Variants in EXOC6B observed in about 807,000 individuals in gnomAD.
The protein encoded by EXOC6B is exocyst complex component 6B, also known as SEC15 homolog B.
A neutral mutation model predicts 113.5 loss-of-function variants in EXOC6B; 54 were observed. The ratio of observed to expected loss-of-function variants is 0.48; its 90% CI spans 0.38 to 0.60. The LOEUF (loss-of-function observed/expected upper bound fraction) is 0.60. Ranked by LOEUF, EXOC6B falls within the 20% of genes least tolerant of loss-of-function variation. EXOC6B has a pLI of 0.00. For missense variants in EXOC6B, 797 were observed against 977.5 expected (o/e 0.82, Z 2.46); for synonymous variants, 357 against 339.0 (o/e 1.05, Z -0.58).
intron 6 of EXOC6B, among the ~76,000 whole-genome samples, chr2:72,605,175 C>T (rs1381635717): frequency 2.0e-5 from 3 of 151,074 alleles, no homozygotes; most frequent in East Asian, 2.0e-4. Flanking sequence ...CCCAGCTACT[C>T]GGGAGGGCTG....
chr2:72,708,745 TCA>T (rs1333331350), intron 6 of EXOC6B, among the ~76,000 whole-genome samples: 1 of 152,090 alleles, frequency 6.6e-6, no homozygotes. Flanking sequence ...TAAAAAATTT[TCA>T]CAGACAGATT....
intron 5 of EXOC6B, among the ~76,000 whole-genome samples, chr2:72,729,118 AACTTTTTT>A: frequency 6.6e-6 from 1 of 152,298 alleles, no homozygotes; most frequent in South Asian, 2.1e-4. Flanking sequence ...CATCTACATA[AACTTTTTT>A]AGACACAAAA....
chr2:72,627,281 C>T lies in EXOC6B; in HGVS notation c.670-51613G>A, dbSNP rs114542105. 3.7e-3 allele frequency among the ~76,000 whole-genome samples: 569 copies of T among 152,276 alleles called. 6 individuals are homozygous for T. Among genetic ancestry groups the T allele is most frequent in the African/African-American group, 0.013 (548 of 41,558 alleles). ...TACTGAAAGTCAAACCAAATTCCTT[C>T]TCTAGTTGAGTCTAAGACTTTGCAA... On this transcript the variant is annotated intron_variant, in intron 6 of 21. Coordinates refer to ENST00000272427, the MANE Select transcript of EXOC6B (RefSeq NM_015189.3).
chr2:72,226,575 G>A (rs1030467869), intron 20 of EXOC6B, among the ~76,000 whole-genome samples: 2 of 152,174 alleles, frequency 1.3e-5, no homozygotes, highest in Non-Finnish European at 2.9e-5. Context: ...AAGTAAAGTT[G>A]TACTCTTAAT....
At chr2:72,189,737 C>T (rs946386054) in intron 20 of EXOC6B, among the ~76,000 whole-genome samples, 1 of 149,574 alleles carries the variant, frequency 6.7e-6, no homozygotes, top group African/African-American at 2.5e-5. Flanking sequence ...CCCCTCCCCT[C>T]CCCTTCCTTC....
chr2:72,681,576 G>C (rs1399837532), intron 6 of EXOC6B, among the ~76,000 whole-genome samples: 2 of 152,168 alleles, frequency 1.3e-5, no homozygotes, highest in African/African-American at 4.8e-5. Context: ...AGTCCTAAAA[G>C]TCCAGTATGT....
chr2:72,618,988 G>T (rs1055542125), intron 6 of EXOC6B, among the ~76,000 whole-genome samples: 2 of 152,170 alleles, frequency 1.3e-5, no homozygotes, highest in Non-Finnish European at 1.5e-5. Flanking sequence ...TAGGCCAACC[G>T]AGTAAAATAG....
intron 1 of EXOC6B, among the ~76,000 whole-genome samples, chr2:72,821,703 A>C (rs950935392): frequency 3.3e-5 from 5 of 152,132 alleles, no homozygotes; most frequent in African/African-American, 1.2e-4. Context: ...TTACCAAAAA[A>C]ACCCATATTG....
At chr2:72,671,787 G>GAAAGAAAGAAAGAAAGAAAGAAAGAA (rs1675861408) in intron 6 of EXOC6B, among the ~76,000 whole-genome samples, 26 of 104,918 alleles carry the variant, frequency 2.5e-4, no homozygotes, top group African/African-American at 1.3e-3. Flanking sequence ...AAGAAAGAAA[G>GAAAGAAAGAAAGAAAGAAAGAAAGAA]AAAGAAAGAA....
chr2:72,334,555 A>G (rs1688581689), intron 20 of EXOC6B, among the ~76,000 whole-genome samples: 1 of 152,176 alleles, frequency 6.6e-6, no homozygotes, highest in Non-Finnish European at 1.5e-5. Flanking sequence ...TGCTGGCCAC[A>G]TTATCTACAA....
chr2:72,290,627 T>C (rs1685720364), intron 20 of EXOC6B, among the ~76,000 whole-genome samples: 1 of 152,076 alleles, frequency 6.6e-6, no homozygotes, highest in South Asian at 2.1e-4. Context: ...CTATTATTTT[T>C]AGAGAAATAC....
intron 20 of EXOC6B, among the ~76,000 whole-genome samples, chr2:72,266,379 T>C (rs1684083923): frequency 6.7e-6 from 1 of 149,614 alleles, no homozygotes; most frequent in African/African-American, 2.4e-5. Context: ...AGGGTTTTTA[T>C]GGTTTTAGGT....
At chr2:72,306,694 T>G (rs1022459365) in intron 20 of EXOC6B, among the ~76,000 whole-genome samples, 1 of 152,124 alleles carries the variant, frequency 6.6e-6, no homozygotes, top group Non-Finnish European at 1.5e-5. Flanking sequence ...ACCCTCGTTG[T>G]ATACTGCTAA....
chr2:72,657,499 TG>T (rs1674672467), intron 6 of EXOC6B, among the ~76,000 whole-genome samples: 1 of 150,364 alleles, frequency 6.7e-6, no homozygotes, highest in South Asian at 2.1e-4. Flanking sequence ...CCCAAAGTGC[TG>T]GGATTATAGG....
intron 20 of EXOC6B, among the ~76,000 whole-genome samples, chr2:72,304,551 T>C (rs975860447): frequency 6.6e-6 from 1 of 152,178 alleles, no homozygotes; most frequent in African/African-American, 2.4e-5. Context: ...TTAATTTCCA[T>C]AGTTAGAAAA....
At chr2:72,237,662 T>G (rs1368688351) in intron 20 of EXOC6B, among the ~76,000 whole-genome samples, 1 of 152,198 alleles carries the variant, frequency 6.6e-6, no homozygotes, top group Non-Finnish European at 1.5e-5. Context: ...TGAATCTCTG[T>G]GTAATTGCCA....
intron 1 of EXOC6B, among the ~76,000 whole-genome samples, chr2:72,792,571 T>C (rs1203744123): frequency 1.3e-5 from 2 of 152,124 alleles, no homozygotes; most frequent in African/African-American, 4.8e-5. Flanking sequence ...TACAATATAA[T>C]AAGGAAAATA....
At chr2:72,192,708 TC>T (rs968215647) in intron 20 of EXOC6B, among the ~76,000 whole-genome samples, 1 of 152,104 alleles carries the variant, frequency 6.6e-6, no homozygotes, top group African/African-American at 2.4e-5. Context: ...ATACCCCTCT[TC>T]CCCAGGGGTG....
intron 20 of EXOC6B, among the ~76,000 whole-genome samples, chr2:72,251,043 G>T (rs1258193694): frequency 7.7e-6 from 1 of 129,748 alleles, no homozygotes; most frequent in Non-Finnish European, 1.8e-5. Context: ...GCCCAGGCTG[G>T]TCTTGAACTC....
Sources: gnomAD v4.1 joint callset for allele counts (sites outside exome capture counted in the v4.1 genomes callset) on GRCh38, gnomAD v4.1.1 for gene constraint, MANE v1.5 for transcripts, NCBI Gene and HGNC (gene_info 2026-07-23, HGNC 2026-07-21) for gene names.